CDH13: variants seen among roughly 807,000 people sequenced by gnomAD.
CDH13 encodes cadherin 13.
Under a neutral mutation model 63.8 loss-of-function variants are expected in CDH13, and 24 were observed. That is an observed-to-expected ratio of 0.38 (90% confidence interval 0.27 to 0.53). The LOEUF is 0.53. CDH13 is among the 20% of genes least tolerant of loss of function. The pLI is 0.85. For missense variants in CDH13, 1,049 were observed against 903.1 expected, an observed-to-expected ratio of 1.16 and a Z score of -2.07; for synonymous variants, 503 against 355.3, an observed-to-expected ratio of 1.42 and a Z score of -4.67.
chr16:82,952,847 A>C (rs191965443), intron 2 of CDH13, among the ~76,000 whole-genome samples: 1 of 152,152 alleles, frequency 6.6e-6, no homozygotes, highest in East Asian at 1.9e-4. Flanking sequence ...TTCTCCCTCC[A>C]CCTCTGATTC....
At chr16:82,847,008 A>T (rs1883574701) in intron 1 of CDH13, among the ~76,000 whole-genome samples, 1 of 152,206 alleles carries the variant, frequency 6.6e-6, no homozygotes, top group African/African-American at 2.4e-5. Context: ...TTGTCAAAGC[A>T]TTCCAAAGCC....
chr16:83,038,912 A>G (rs1394915288), intron 3 of CDH13, among the ~76,000 whole-genome samples: 3 of 152,212 alleles, frequency 2.0e-5, no homozygotes, highest in Admixed American at 6.5e-5. Flanking sequence ...CAGTTAACGA[A>G]CTTGATGAAG....
chr16:82,771,727 A>T (rs886748139), intron 1 of CDH13, among the ~76,000 whole-genome samples: 1 of 152,242 alleles, frequency 6.6e-6, no homozygotes, highest in African/African-American at 2.4e-5. Flanking sequence ...AATTTGTGTT[A>T]AAGTGATGTA....
chr16:83,657,634 C>T lies in CDH13; in HGVS notation c.1102-13156C>T, dbSNP rs910373995. ...GTGGGCTGGGGATATGGAGAACAAACTGATGAGTGAGGGATGTGTCTGCAG... is the reference window on the plus strand; with the variant it reads ...GTGGGCTGGGGATATGGAGAACAAATTGATGAGTGAGGGATGTGTCTGCAG... On this transcript the variant is annotated intron_variant, in intron 8 of 13. Transcript: ENST00000567109. Among the ~76,000 whole-genome samples the T allele has an allele frequency of 2.0e-5, 3 of 152,212 alleles. No homozygotes were observed. The East Asian group carries it at 5.8e-4, about 29-fold the overall frequency.
chr16:83,143,005 G>C (rs1419913808), intron 4 of CDH13, among the ~76,000 whole-genome samples: 1 of 152,188 alleles, frequency 6.6e-6, no homozygotes, highest in Non-Finnish European at 1.5e-5. Flanking sequence ...CAGGAAGGCT[G>C]AGGCAGGAAA....
At chr16:82,652,059 T>C (rs1442393479) in intron 1 of CDH13, among the ~76,000 whole-genome samples, 1 of 152,250 alleles carries the variant, frequency 6.6e-6, no homozygotes, top group Non-Finnish European at 1.5e-5. Flanking sequence ...CAACCTATTG[T>C]TGCTGCCTTT....
At chr16:83,054,572 C>T (rs1294575609) in intron 3 of CDH13, among the ~76,000 whole-genome samples, 1 of 139,422 alleles carries the variant, frequency 7.2e-6, no homozygotes, top group African/African-American at 2.5e-5. Context: ...GAATTTAAAA[C>T]TTACAAATTA....
chr16:83,159,829 C>G (rs1035235011), intron 4 of CDH13, among the ~76,000 whole-genome samples: 1 of 152,100 alleles, frequency 6.6e-6, no homozygotes, highest in African/African-American at 2.4e-5. Context: ...AATCCTAGCA[C>G]TTTGGGAGAC....
chr16:83,451,756 G>A (rs1384655112), intron 6 of CDH13, among the ~76,000 whole-genome samples: 2 of 152,196 alleles, frequency 1.3e-5, no homozygotes, highest in Admixed American at 6.5e-5. Context: ...GGACTCAAGT[G>A]ATCCTCCTAT....
intron 7 of CDH13, among the ~76,000 whole-genome samples, chr16:83,562,256 A>G (rs928255791): frequency 6.6e-6 from 1 of 152,188 alleles, no homozygotes; most frequent in Admixed American, 6.5e-5. Context: ...TGATTGTGTT[A>G]GTGCATCAGG....
At chr16:83,290,381 G>A (rs954204308) in intron 5 of CDH13, among the ~76,000 whole-genome samples, 1 of 151,948 alleles carries the variant, frequency 6.6e-6, no homozygotes. Flanking sequence ...ATTGAATCAC[G>A]GGGGGCAGGT....
At chr16:82,711,864 T>G (rs2031974158) in intron 1 of CDH13, among the ~76,000 whole-genome samples, 3 of 152,172 alleles carry the variant, frequency 2.0e-5, no homozygotes, top group Non-Finnish European at 4.4e-5. Context: ...GTGCTCTGAG[T>G]TAGGTGCTCA....
Position 82,663,661 on chromosome 16 carries a change from C to T in CDH13, c.45+36524C>T, listed in dbSNP as rs149305601. ...TCAGACATCACTCTCTTGTGAAGAT[C>T]CCTTGTACCTGGAAAACTATTAAGA... On this transcript the variant is annotated intron_variant, in intron 1 of 13. Transcript: ENST00000567109. Among the ~76,000 whole-genome samples the T allele has an allele frequency of 2.0e-5, 3 of 152,274 alleles. No individual in the cohort carries two copies. In the East Asian group the frequency reaches 5.8e-4, roughly 29 times the overall value.
chr16:83,664,867 T>TAGGTAC (rs1289342330), intron 8 of CDH13, among the ~76,000 whole-genome samples: 1 of 152,202 alleles, frequency 6.6e-6, no homozygotes, highest in African/African-American at 2.4e-5. Context: ...GTCAGATATG[T>TAGGTAC]TGTAGATGTA....
chr16:83,423,951 A>G (rs1051620740), intron 6 of CDH13, among the ~76,000 whole-genome samples: 1 of 152,246 alleles, frequency 6.6e-6, no homozygotes, highest in African/African-American at 2.4e-5. Flanking sequence ...GACATCTACA[A>G]GTAAGAAACG....
chr16:83,471,582 C>T (rs541905049), intron 6 of CDH13, among the ~76,000 whole-genome samples: 5 of 152,118 alleles, frequency 3.3e-5, no homozygotes, highest in African/African-American at 1.2e-4. Context: ...CCTTTCTAAC[C>T]ACACTTTTAT....
At chr16:82,970,830 G>T (rs540315858) in intron 2 of CDH13, among the ~76,000 whole-genome samples, 1 of 152,250 alleles carries the variant, frequency 6.6e-6, no homozygotes, top group Non-Finnish European at 1.5e-5. Flanking sequence ...TGACTATAAT[G>T]ACTTGTTTTA....
rs148023749 is a variant in CDH13, at chr16:82,932,024, C to T, written c.157+73551C>T. On this transcript the variant is annotated intron_variant, in intron 2 of 13. Coordinates refer to ENST00000567109, the MANE Select transcript of CDH13 (RefSeq NM_001257.5). The stretch of plus-strand genomic sequence containing the variant: ...CAGTTAAGACCTCTGGTAAATTGTA[C>T]GATAGCTTGTGGGGGGAAAATCACT... Among the ~76,000 whole-genome samples the T allele has an allele frequency of 4.2e-3, 638 of 152,118 alleles. 3 individuals are homozygous for T. The highest frequency in any genetic ancestry group is 0.014 in the African/African-American group (598 of 41,476).
intron 6 of CDH13, among the ~76,000 whole-genome samples, chr16:83,418,226 A>G (rs900198852): frequency 1.5e-4 from 23 of 152,210 alleles, no homozygotes; most frequent in African/African-American, 5.3e-4. Flanking sequence ...CTCTTTTTAT[A>G]TGTGATTATT....
Sources: allele counts gnomAD v4.1 joint callset (sites outside exome capture counted in the v4.1 genomes callset), GRCh38; gene constraint gnomAD v4.1.1; transcripts MANE v1.5; gene names NCBI Gene and HGNC (gene_info 2026-07-23, HGNC 2026-07-21).